The following ROBO2 variants were observed in gnomAD, a reference collection of about 807,000 sequenced individuals.
ROBO2 encodes the protein roundabout homolog 2.
A neutral mutation model predicts 160.8 loss-of-function variants in ROBO2; 53 were observed. The observed-to-expected ratio is 0.33, with a 90% CI of 0.26 to 0.41. The LOEUF is 0.41. Ranked by LOEUF, ROBO2 falls within the 10% of genes least tolerant of loss-of-function variation. The pLI is 1.00. For synonymous variants in ROBO2, 664 were observed against 611.7 expected (o/e 1.09, Z -1.26); for missense variants, 1,577 against 1,722.4 (o/e 0.92, Z 1.49).
intron 2 of ROBO2, among the ~76,000 whole-genome samples, chr3:76,622,247 A>G (rs62261603): frequency 0.018 from 721 of 40,086 alleles, 8 homozygotes; most frequent in African/African-American, 0.03. Flanking sequence ...AGAAAGAAAG[A>G]AAGAAAGAAA....
intron 2 of ROBO2, among the ~76,000 whole-genome samples, chr3:77,361,745 T>A (rs890159799): frequency 6.6e-5 from 10 of 152,138 alleles, no homozygotes; most frequent in African/African-American, 2.4e-4. Context: ...ACTATAGCAG[T>A]GGGGATTAAG....
chr3:77,243,309 CCCTTTGAAT>C (rs941044701), intron 2 of ROBO2, among the ~76,000 whole-genome samples: 6 of 151,974 alleles, frequency 3.9e-5, no homozygotes, highest in Non-Finnish European at 8.8e-5. Context: ...TTAAATTCAG[CCCTTTGAAT>C]AATCATTTAG....
intron 1 of ROBO2, among the ~76,000 whole-genome samples, chr3:75,922,254 G>T (rs543728286): frequency 1.1e-4 from 17 of 152,186 alleles, no homozygotes; most frequent in Non-Finnish European, 2.4e-4. Flanking sequence ...TAATTCCAGA[G>T]TGGATGTCAA....
chr3:76,168,411 C>T (rs558547506), intron 2 of ROBO2, among the ~76,000 whole-genome samples: 1 of 152,186 alleles, frequency 6.6e-6, no homozygotes, highest in African/African-American at 2.4e-5. Flanking sequence ...TCTCTTTTGT[C>T]AATTATGCCT....
chr3:76,537,455 C>T (rs979422026), intron 2 of ROBO2, among the ~76,000 whole-genome samples: 3 of 151,928 alleles, frequency 2.0e-5, no homozygotes, highest in African/African-American at 4.8e-5. Context: ...TTTAAGAACA[C>T]AGGCTAAGGG....
intron 2 of ROBO2, among the ~76,000 whole-genome samples, chr3:76,302,182 T>C (rs928490548): frequency 2.6e-4 from 39 of 152,220 alleles, no homozygotes; most frequent in Non-Finnish European, 5.0e-4. Context: ...GTACAGCAAT[T>C]CCTAATTGAT....
At chr3:76,435,484 C>A (rs1260279310) in intron 2 of ROBO2, 2 of 692,488 alleles carry the variant, frequency 2.9e-6, no homozygotes, top group Admixed American at 4.4e-5. Flanking sequence ...AAATCTGTAT[C>A]AAGATGGTTC....
chr3:77,340,802 G>A (rs2066979923), intron 2 of ROBO2, among the ~76,000 whole-genome samples: 1 of 152,058 alleles, frequency 6.6e-6, no homozygotes, highest in Non-Finnish European at 1.5e-5. Flanking sequence ...GTATAAGAAA[G>A]CATTTCATAT....
At chr3:77,130,050 T>G (rs1403055507) in intron 2 of ROBO2, among the ~76,000 whole-genome samples, 1 of 152,164 alleles carries the variant, frequency 6.6e-6, no homozygotes, top group Admixed American at 6.5e-5. Context: ...AGGCAACCAC[T>G]GTGCAAGCTC....
intron 6 of ROBO2, among the ~76,000 whole-genome samples, chr3:77,531,123 G>A (rs952931124): frequency 6.6e-6 from 1 of 151,956 alleles, no homozygotes; most frequent in African/African-American, 2.4e-5. Flanking sequence ...TATGCTAGAT[G>A]CTGATTGCCT....
intron 2 of ROBO2, among the ~76,000 whole-genome samples, chr3:76,609,344 T>A (rs1424787294): frequency 1.3e-5 from 2 of 152,212 alleles, no homozygotes; most frequent in South Asian, 2.1e-4. Context: ...CTATTCTTGG[T>A]CTTTTGTGGT....
intron 2 of ROBO2, among the ~76,000 whole-genome samples, chr3:76,488,411 A>G (rs2079617135): frequency 6.6e-6 from 1 of 151,972 alleles, no homozygotes; most frequent in South Asian, 2.1e-4. Flanking sequence ...CTGTTAGAGA[A>G]GACCTGCCAT....
At chr3:76,051,253 A>G (rs1401730068) in intron 2 of ROBO2, among the ~76,000 whole-genome samples, 1 of 100,522 alleles carries the variant, frequency 9.9e-6, no homozygotes. Flanking sequence ...TTTAAAAATG[A>G]AGTACTTTGA....
At chr3:76,062,027 G>A (rs1337859513) in intron 2 of ROBO2, among the ~76,000 whole-genome samples, 2 of 151,990 alleles carry the variant, frequency 1.3e-5, no homozygotes, top group African/African-American at 4.8e-5. Context: ...TGATGTCATT[G>A]GGCTTGCTAG....
chr3:76,900,663 A>C (rs529452505), intron 2 of ROBO2, among the ~76,000 whole-genome samples: 1 of 152,306 alleles, frequency 6.6e-6, no homozygotes, highest in African/African-American at 2.4e-5. Flanking sequence ...AAACATTAAA[A>C]CACATTACAA....
chr3:76,601,764 A>C lies in ROBO2; in HGVS notation c.110-496250A>C, dbSNP rs1244124491. ...GCCATTTTCCCCCATAGTCCTGGGG[A>C]TTAACATTGCCATTCCACTCCTCAT... is the stretch of plus-strand genomic sequence containing the variant. On this transcript the variant is annotated intron_variant, in intron 2 of 26. Coordinates refer to the ROBO2 transcript ENST00000487694. Among the ~76,000 whole-genome samples, 3 of 152,168 alleles carry C rather than the reference A, an allele frequency of 2.0e-5. No homozygotes were observed. In the East Asian group the frequency reaches 5.8e-4, roughly 29 times the overall value.
chr3:77,593,298 T>A (rs1447262617), intron 17 of ROBO2, among the ~76,000 whole-genome samples: 1 of 152,100 alleles, frequency 6.6e-6, no homozygotes, highest in Non-Finnish European at 1.5e-5. Context: ...TGTGTACTAA[T>A]CAGGCATTTA....
chr3:76,821,961 C>G (rs1001690741), intron 2 of ROBO2, among the ~76,000 whole-genome samples: 5 of 151,996 alleles, frequency 3.3e-5, no homozygotes, highest in African/African-American at 1.2e-4. Flanking sequence ...GAGACCAATA[C>G]TTGTTTAATT....
At chr3:76,870,416 G>GT (rs1182777077) in intron 2 of ROBO2, among the ~76,000 whole-genome samples, 3 of 152,238 alleles carry the variant, frequency 2.0e-5, no homozygotes, top group East Asian at 3.9e-4. Flanking sequence ...AGTTTCCCCA[G>GT]TTTTTTCTGT....
Sources: gnomAD v4.1 joint callset for allele counts (sites outside exome capture counted in the v4.1 genomes callset) on GRCh38, gnomAD v4.1.1 for gene constraint, MANE v1.5 for transcripts, NCBI Gene and HGNC (gene_info 2026-07-23, HGNC 2026-07-21) for gene names.